Variants in FRYL observed in about 807,000 individuals in gnomAD.
FRYL encodes the protein FRY like transcription coactivator, also known as protein furry homolog-like.
FRYL carries 150 observed loss-of-function variants against 351.2 expected under a neutral mutation model. That is an observed-to-expected ratio of 0.43 (90% CI 0.37 to 0.49). FRYL has a LOEUF of 0.49. Among genes scored for constraint, FRYL ranks in the 20% least tolerant of loss-of-function variants. FRYL has a pLI of 0.00. For synonymous variants in FRYL, 1,153 were observed against 1,257.1 expected (o/e 0.92, Z 1.75); for missense variants, 3,036 against 3,619.3 (o/e 0.84, Z 4.13).
At chr4:48,709,176 T>C (rs1312352353) in intron 2 of FRYL, among the ~76,000 whole-genome samples, 3 of 152,266 alleles carry the variant, frequency 2.0e-5, no homozygotes, top group South Asian at 4.1e-4. Context: ...CGCCTCGGCT[T>C]CCCAAAGTGC....
intron 44 of FRYL, among the ~76,000 whole-genome samples, chr4:48,542,707 T>C (rs1394788727): frequency 6.6e-6 from 1 of 152,208 alleles, no homozygotes; most frequent in Non-Finnish European, 1.5e-5. Context: ...TGAGCCACAG[T>C]GCCTGGCTGA....
At chr4:48,632,949 C>T (rs1753538206) in intron 4 of FRYL, among the ~76,000 whole-genome samples, 1 of 152,164 alleles carries the variant, frequency 6.6e-6, no homozygotes, top group Non-Finnish European at 1.5e-5. Flanking sequence ...CACACAGGTT[C>T]TAAAGCCAAT....
rs1245580967 is a variant in FRYL, at chr4:48,528,011, GA to G, written c.7099del (p.Ser2367LeufsTer32). 1 of 1,582,114 alleles carries G rather than the reference GA, an allele frequency of 6.3e-7. No homozygotes were observed. The highest frequency in any genetic ancestry group is 1.4e-5 in the African/African-American group (1 of 72,596). ...RTREKLMNVL[S>X]LCGPESGLPK... ...GAGGCCAGATTCTGGACCACAGAGA[GA>G]AAGCACATTCATTAGCTTTTCTCTT... On this transcript the variant is annotated frameshift_variant, in exon 52 of 64. Coordinates refer to ENST00000358350, the MANE Select transcript of FRYL (RefSeq NM_015030.2). LOFTEE classifies it high-confidence loss of function.
intron 62 of FRYL, 26 bp downstream of exon 62, chr4:48,501,597 G>A: frequency 8.1e-7 from 1 of 1,237,078 alleles, no homozygotes; most frequent in Non-Finnish European, 1.2e-6. Flanking sequence ...ATCAGTTACT[G>A]ATGCCTAATA....
At chr4:48,623,824 T>G (rs1263006486) in intron 4 of FRYL, among the ~76,000 whole-genome samples, 3 of 152,068 alleles carry the variant, frequency 2.0e-5, no homozygotes, top group Non-Finnish European at 4.4e-5. Context: ...AACAAAGAAA[T>G]ACTTTGGGTA....
chr4:48,510,138 A>G lies in FRYL; in HGVS notation c.8315T>C (p.Leu2772Pro). The change falls in exon 59 of 64, where the codon CTG becomes CCG. Residue 2772 changes from leucine to proline, a missense_variant. Coordinates refer to ENST00000358350, the MANE Select transcript of FRYL (RefSeq NM_015030.2). ...CAAAACACCAAACTTGAGTGTTTCC[A>G]GCAAACCACATGACATCAGCTGTCA... is the stretch of plus-strand genomic sequence containing the variant. Reference protein sequence around the residue: ...DAETLMSCGLLETLKFGVLEL... With the variant: ...DAETLMSCGLPETLKFGVLEL... 1 of 1,612,740 alleles carries G rather than the reference A, an allele frequency of 6.2e-7. No homozygotes were observed. Among genetic ancestry groups the G allele is most frequent in the Non-Finnish European group, 8.5e-7 (1 of 1,178,762 alleles).
chr4:48,688,658 A>ATT (rs11355390), intron 2 of FRYL, among the ~76,000 whole-genome samples: 29 of 86,436 alleles, frequency 3.4e-4, no homozygotes, highest in Non-Finnish European at 4.0e-4. Context: ...CTCTTAGTCA[A>ATT]TTTTTTTTTT....
Position 48,540,757 on chromosome 4 carries a change from T to C in FRYL, c.5891A>G (p.Asp1964Gly), listed in dbSNP as rs749620375. Residue 1964 changes from aspartate (D) to glycine (G), a missense_variant, in exon 46 of 64, where the codon GAT becomes GGT. Physicochemically the swap from Asp to Gly is moderately conservative, Grantham distance 94. Around this residue, in one of 7 missense-constraint regions of FRYL, gnomAD observed 1,987 missense variants for 2,311.7 expected, o/e 0.86. Coordinates refer to ENST00000358350, the MANE Select transcript of FRYL (RefSeq NM_015030.2). The part of the protein sequence containing the change: ...RRRSNTLDIM[D>G]GRINHSSSLA... ...ACTACTGCTATGGTTTATCCGTCCA[T>C]CCATTATATCCAGTGTGTTACTCCG... is the stretch of plus-strand genomic sequence containing the variant. 7 of 1,613,890 alleles carry C rather than the reference T, an allele frequency of 4.3e-6. No homozygotes were observed. Among genetic ancestry groups the C allele is most frequent in the African/African-American group, 1.3e-5 (1 of 74,922 alleles).
chr4:48,593,250 T>C (rs1326403865), intron 16 of FRYL, among the ~76,000 whole-genome samples: 1 of 93,276 alleles, frequency 1.1e-5, no homozygotes, highest in African/African-American at 4.3e-5. Flanking sequence ...ATAAACAATG[T>C]GAAGTAAAAA....
At chr4:48,620,083 T>C (rs748710953) in intron 6 of FRYL, among the ~76,000 whole-genome samples, 2 of 152,088 alleles carry the variant, frequency 1.3e-5, no homozygotes, top group Admixed American at 1.3e-4. Flanking sequence ...AGTTGAAAAA[T>C]CACAAGTGGC....
intron 19 of FRYL, among the ~76,000 whole-genome samples, chr4:48,585,799 C>G (rs540789247): frequency 6.6e-6 from 1 of 152,170 alleles, no homozygotes; most frequent in Non-Finnish European, 1.5e-5. Context: ...ATATCTATCA[C>G]CATAAATACT....
chr4:48,579,151 T>A lies in FRYL; in HGVS notation c.2350A>T (p.Ser784Cys). The change falls in exon 23 of 64, where the codon AGT becomes TGT. Residue 784 changes from serine (S) to cysteine (C), a missense_variant. By Grantham distance (112) the Ser-to-Cys change is moderately radical (BLOSUM62 -1). Around this residue, in one of 7 missense-constraint regions of FRYL, gnomAD observed 492 missense variants for 551.5 expected, o/e 0.89. Coordinates refer to ENST00000358350, the MANE Select transcript of FRYL (RefSeq NM_015030.2). The stretch of plus-strand genomic sequence containing the variant: ...GCAAATATCCATATATGTGATGGAC[T>A]AATCACATCAAACTGGTGGCTAATA... ...SPISHQFDVI[S>C]PSHIWIFAHV... is the part of the protein sequence containing the mutation. 1.9e-6 allele frequency: 3 copies of A among 1,611,420 alleles called. No individual in the cohort carries two copies. The highest frequency in any genetic ancestry group is 2.5e-6 in the Non-Finnish European group (3 of 1,177,536).
intron 5 of FRYL, among the ~76,000 whole-genome samples, chr4:48,622,743 A>G (rs1447219331): frequency 6.6e-6 from 1 of 152,146 alleles, no homozygotes; most frequent in Non-Finnish European, 1.5e-5. Flanking sequence ...AGATCAGCAC[A>G]AGAGTTGTTA....
intron 1 of FRYL, among the ~76,000 whole-genome samples, chr4:48,758,558 G>A (rs1164927089): frequency 5.3e-5 from 8 of 152,138 alleles, no homozygotes; most frequent in African/African-American, 1.4e-4. Context: ...TTAGAATGGC[G>A]ATCACTAAAA....
intron 1 of FRYL, among the ~76,000 whole-genome samples, chr4:48,729,103 G>A (rs1239325519): frequency 2.0e-5 from 3 of 152,240 alleles, no homozygotes; most frequent in Non-Finnish European, 2.9e-5. Context: ...CCATGCCCAC[G>A]GAGCCTTGCT....
chr4:48,504,724 T>C (rs1304073419), intron 60 of FRYL, among the ~76,000 whole-genome samples: 4 of 152,124 alleles, frequency 2.6e-5, no homozygotes, highest in African/African-American at 9.7e-5. Flanking sequence ...GAGCAACTAC[T>C]TGCCTGAGTT....
At chr4:48,656,950 A>C (rs1321721835) in intron 3 of FRYL, among the ~76,000 whole-genome samples, 2 of 152,124 alleles carry the variant, frequency 1.3e-5, no homozygotes, top group Non-Finnish European at 2.9e-5. Flanking sequence ...CTAAAATGTA[A>C]AGACTAAAAT....
chr4:48,564,224 C>T, intron 30 of FRYL, 122 bp from the exon 31 acceptor site: 2 of 1,101,542 alleles, frequency 1.8e-6, no homozygotes, highest in Non-Finnish European at 2.5e-6. Flanking sequence ...AAAATTCCAT[C>T]TCCTTTTGTT....
At chr4:48,499,987 G>C (rs912418218) in intron 63 of FRYL, 43 bp downstream of exon 63, 5 of 1,314,376 alleles carry the variant, frequency 3.8e-6, no homozygotes, top group Non-Finnish European at 5.3e-6. Context: ...TAAACTTCCT[G>C]TCTAATTTAA....
Sources: gnomAD v4.1 joint callset for allele counts (sites outside exome capture counted in the v4.1 genomes callset) on GRCh38, gnomAD v4.1.1 for gene constraint, gnomAD v4.1.1 regional missense constraint, MANE v1.5 for transcripts, NCBI Gene and HGNC (gene_info 2026-07-23, HGNC 2026-07-21) for gene names.